Variants in SYNCRIP observed in about 807,000 individuals in gnomAD.
SYNCRIP encodes the protein heterogeneous nuclear ribonucleoprotein Q.
In SYNCRIP, 9 loss-of-function variants were observed where a neutral mutation model predicts 68.9. The ratio of observed to expected loss-of-function variants is 0.13; its 90% CI spans 0.08 to 0.23. The LOEUF (loss-of-function observed/expected upper bound fraction) is 0.23. SYNCRIP is among the 10% of genes least tolerant of loss of function. The pLI, the probability that SYNCRIP is intolerant of heterozygous loss-of-function variation, is 1.00. For missense variants in SYNCRIP, 414 were observed against 770.6 expected (o/e 0.54, Z 5.48); for synonymous variants, 258 against 254.0 (o/e 1.02, Z -0.15).
At position 85,614,296 on chromosome 6, in the gene SYNCRIP, T is replaced by C; in HGVS notation, c.*460A>G. 3.0e-6 allele frequency: 3 copies of C among 986,230 alleles called. No homozygotes were observed. Among genetic ancestry groups the C allele is most frequent in the Non-Finnish European group, 3.6e-6 (3 of 830,172 alleles). The allele number at this position is 986,230 out of a possible 1,614,324, so 61.1% of individuals were successfully genotyped here. On this transcript the variant is annotated 3_prime_UTR_variant, in exon 11 of 11. Coordinates refer to ENST00000369622, the MANE Select transcript of SYNCRIP (RefSeq NM_006372.5). ...CCAAAATGGTTTTGAAAACCCAAAT[T>C]AGGTCAAAGTTCTAAATTAAAAATA... is the stretch of plus-strand genomic sequence containing the variant.
chr6:85,625,664 G>A (rs907684262), intron 6 of SYNCRIP, among the ~76,000 whole-genome samples: 2 of 152,110 alleles, frequency 1.3e-5, no homozygotes, highest in Non-Finnish European at 2.9e-5. Flanking sequence ...GGGATTACAG[G>A]TGTGACCCAC....
chr6:85,623,579 A>AAAAAAAAAAAAAAACAAAAAAAAAAAAC (rs1554184894), intron 7 of SYNCRIP, among the ~76,000 whole-genome samples: 28 of 125,740 alleles, frequency 2.2e-4, no homozygotes, highest in Non-Finnish European at 3.0e-4. Flanking sequence ...AAAAAAAAAA[A>AAAAAAAAAAAAAAACAAAAAAAAAAAAC]AAAACACTCT....
intron 7 of SYNCRIP, 93 bp downstream of exon 7, chr6:85,623,881 CAAT>C: frequency 6.9e-7 from 1 of 1,443,918 alleles, no homozygotes; most frequent in Non-Finnish European, 9.5e-7. Context: ...TTCGATGAGT[CAAT>C]AAATGTATTT....
downstream of SYNCRIP, chr6:85,613,032 T>C (rs1805366487): frequency 1.4e-5 from 19 of 1,312,790 alleles, 1 homozygote; most frequent in Non-Finnish European, 1.9e-5. Flanking sequence ...TAATTCTAAA[T>C]ATACTGTCTA....
rs145929674 is a variant in SYNCRIP, at chr6:85,640,017, T to A, written c.375+204A>T. Among the ~76,000 whole-genome samples, 14 of 152,228 alleles carry A rather than the reference T, an allele frequency of 9.2e-5. No homozygotes were observed. The East Asian group carries it at 2.7e-3, about 29-fold the overall frequency. On this transcript the variant is annotated intron_variant, in intron 4 of 10. Transcript: ENST00000369622. ...ACTACCAATAGAACAGATTTAAACA[T>A]CAGTAGCTGGATAACATGATAAACT...
At chr6:85,631,913 G>A (rs1807842873) in intron 6 of SYNCRIP, among the ~76,000 whole-genome samples, 2 of 152,170 alleles carry the variant, frequency 1.3e-5, no homozygotes, top group Non-Finnish European at 2.9e-5. Context: ...CAAAGCTCCT[G>A]TCCCTTAACA....
upstream of SYNCRIP, chr6:85,643,214 C>T (rs976263222): frequency 5.9e-5 from 9 of 152,330 alleles, no homozygotes; most frequent in Non-Finnish European, 1.0e-4. Context: ...GAGTGGCCGC[C>T]TTTCCCCTTC....
downstream of SYNCRIP, chr6:85,613,906 A>C: frequency 2.2e-6 from 2 of 922,558 alleles, no homozygotes; most frequent in South Asian, 1.0e-4. Flanking sequence ...CTTTGAGACT[A>C]CCTGAATTTG....
At chr6:85,642,943 G>C (rs1406321640), upstream of SYNCRIP, 2 of 152,630 alleles carry the variant, frequency 1.3e-5, no homozygotes, top group African/African-American at 2.4e-5. Context: ...ACCCGATCCA[G>C]TTCCACTCGC....
intron 6 of SYNCRIP, among the ~76,000 whole-genome samples, chr6:85,629,380 T>C (rs1170300408): frequency 6.6e-6 from 1 of 152,034 alleles, no homozygotes; most frequent in East Asian, 1.9e-4. Flanking sequence ...ACACACTATT[T>C]GCTAAATTAT....
At chr6:85,642,236 T>C (rs968340000) in intron 1 of SYNCRIP, among the ~76,000 whole-genome samples, 7 of 151,924 alleles carry the variant, frequency 4.6e-5, no homozygotes, top group African/African-American at 1.7e-4. Flanking sequence ...GTCTCCGCCG[T>C]GACACATGGC....
chr6:85,617,197 TAAAA>T (rs77973702), intron 10 of SYNCRIP, among the ~76,000 whole-genome samples: 3 of 122,852 alleles, frequency 2.4e-5, no homozygotes, highest in Admixed American at 8.3e-5. Flanking sequence ...AGTTAAAACT[TAAAA>T]AAAAAAAAAA....
intron 6 of SYNCRIP, among the ~76,000 whole-genome samples, chr6:85,628,718 A>G (rs541008643): frequency 7.2e-5 from 11 of 152,312 alleles, no homozygotes; most frequent in Non-Finnish European, 1.6e-4. Context: ...CATTACTGAC[A>G]CCACAGCTTG....
intron 7 of SYNCRIP, among the ~76,000 whole-genome samples, chr6:85,623,579 A>AAAAAAAAAAAAAAAAAAAAAAAACAC (rs1554184894): frequency 8.0e-6 from 1 of 125,758 alleles, no homozygotes; most frequent in Non-Finnish European, 1.8e-5. Context: ...AAAAAAAAAA[A>AAAAAAAAAAAAAAAAAAAAAAAACAC]AAAACACTCT....
downstream of SYNCRIP, chr6:85,613,909 T>C (rs1251976136): frequency 2.1e-6 from 2 of 940,692 alleles, no homozygotes; most frequent in Non-Finnish European, 2.5e-6. Flanking sequence ...TGAGACTACC[T>C]GAATTTGTCC....
chr6:85,626,315 A>G (rs1021474336), intron 6 of SYNCRIP, among the ~76,000 whole-genome samples: 2 of 152,218 alleles, frequency 1.3e-5, no homozygotes, highest in Admixed American at 1.3e-4. Context: ...CCTTAGCAAC[A>G]AATCAGTGGT....
upstream of SYNCRIP, chr6:85,643,658 TCCCGCCCGCCCCATC>T (rs1809475616): frequency 7.6e-6 from 1 of 132,224 alleles, no homozygotes; most frequent in African/African-American, 2.8e-5. Context: ...CCCACCGAGC[TCCCGCCCGCCCCATC>T]CCTGCCCGGT....
intron 10 of SYNCRIP, among the ~76,000 whole-genome samples, chr6:85,618,141 T>C (rs1805985266): frequency 2.0e-5 from 3 of 152,046 alleles, no homozygotes; most frequent in Admixed American, 6.5e-5. Context: ...GTATTTCCTA[T>C]CTCTCAGAGA....
In SYNCRIP at chr6:85,614,389, A is replaced by T; in HGVS notation, c.*367T>A. Reference sequence around the variant, plus strand: ...GTAACATACAAAGTTATTCTGATACAAGATATTAAAGACACACTTGGTTTT... The same window carrying T: ...GTAACATACAAAGTTATTCTGATACTAGATATTAAAGACACACTTGGTTTT... On this transcript the variant is annotated 3_prime_UTR_variant, in exon 11 of 11. Transcript: ENST00000369622. 1 of 999,464 alleles carries T rather than the reference A, an allele frequency of 1.0e-6. No homozygotes were observed. The highest frequency in any genetic ancestry group is 1.2e-6 in the Non-Finnish European group (1 of 839,556). The allele number at this position is 999,464 out of a possible 1,614,324, so 61.9% of individuals were successfully genotyped here.
Sources: allele counts gnomAD v4.1 joint callset (sites outside exome capture counted in the v4.1 genomes callset), GRCh38; gene constraint gnomAD v4.1.1; transcripts MANE v1.5; gene names NCBI Gene and HGNC (gene_info 2026-07-23, HGNC 2026-07-21).